The following BLTP1 variants were observed in gnomAD, a reference collection of about 807,000 sequenced individuals.
BLTP1 encodes fragile site-associated protein.
chr4:122,274,662 GC>G, the BLTP1 span: 5 of 978,372 alleles, frequency 5.1e-6, no homozygotes, highest in African/African-American at 3.5e-5. Flanking sequence ...ATTCAGCAGA[GC>G]AGTTTCATGT....
the BLTP1 span, chr4:122,289,329 A>C: frequency 1.3e-6 from 1 of 795,452 alleles, no homozygotes; most frequent in East Asian, 3.1e-5. Flanking sequence ...GAAACTGTGC[A>C]TTCCTTTTAT....
chr4:122,332,278 A>G, the BLTP1 span, among the ~76,000 whole-genome samples: 2 of 151,968 alleles, frequency 1.3e-5, no homozygotes, highest in African/African-American at 4.8e-5. Flanking sequence ...GAGAAAATAA[A>G]AAAGGTACTA....
the BLTP1 span, among the ~76,000 whole-genome samples, chr4:122,222,186 T>C: frequency 6.6e-6 from 1 of 152,206 alleles, no homozygotes; most frequent in Non-Finnish European, 1.5e-5. Flanking sequence ...CTTGTTTACA[T>C]TCTATAGTGT....
chr4:122,170,614 G>C, the BLTP1 span: 1 of 1,521,840 alleles, frequency 6.6e-7, no homozygotes, highest in Non-Finnish European at 8.8e-7. Context: ...AAATCTTTTA[G>C]GCCTTTAGAT....
chr4:122,303,373 C>T, the BLTP1 span, among the ~76,000 whole-genome samples: 3 of 152,188 alleles, frequency 2.0e-5, no homozygotes, highest in African/African-American at 7.2e-5. Context: ...TGCACCTGGT[C>T]ACCTAAGAGC....
At chr4:122,354,356 G>GGTT in the BLTP1 span, among the ~76,000 whole-genome samples, 34 of 152,200 alleles carry the variant, frequency 2.2e-4, no homozygotes, top group East Asian at 6.6e-3. Flanking sequence ...AGTTTGGGGA[G>GGTT]GTTGTTACAC....
chr4:122,302,604 G>C, the BLTP1 span, among the ~76,000 whole-genome samples: 1 of 152,180 alleles, frequency 6.6e-6, no homozygotes, highest in Non-Finnish European at 1.5e-5. Context: ...AGCTAGAAAC[G>C]ATTAAGCTTG....
the BLTP1 span, among the ~76,000 whole-genome samples, chr4:122,203,059 T>TA: frequency 1.3e-5 from 2 of 151,934 alleles, no homozygotes; most frequent in African/African-American, 2.4e-5. Context: ...ACTTATTCTC[T>TA]AAAAAGGACA....
chr4:122,267,539 C>A, the BLTP1 span: 1 of 494,324 alleles, frequency 2.0e-6, no homozygotes, highest in Non-Finnish European at 2.6e-6. Context: ...ATGCACTCAC[C>A]ATTTATTTAC....
the BLTP1 span, chr4:122,183,569 C>T: frequency 1.0e-6 from 1 of 960,250 alleles, no homozygotes; most frequent in Non-Finnish European, 1.2e-6. Context: ...GTTAACAAGG[C>T]TGTTTTATAA....
chr4:122,331,469 A>C, the BLTP1 span: 1 of 1,612,018 alleles, frequency 6.2e-7, no homozygotes, highest in Non-Finnish European at 8.5e-7. Flanking sequence ...ATACGGGTTG[A>C]AATTGATAGT....
At chr4:122,250,447 A>T in the BLTP1 span, 1 of 1,613,896 alleles carries the variant, frequency 6.2e-7, no homozygotes, top group Non-Finnish European at 8.5e-7. Context: ...GAGTGCTGAC[A>T]TCCAATAATT....
chr4:122,235,673 C>T, the BLTP1 span: 175 of 158,270 alleles, frequency 1.1e-3, 2 homozygotes, highest in South Asian at 0.027. Flanking sequence ...GGCGTGGTGG[C>T]GGGCGCCTGT....
At chr4:122,182,490 C>T in the BLTP1 span, among the ~76,000 whole-genome samples, 1 of 152,288 alleles carries the variant, frequency 6.6e-6, no homozygotes, top group East Asian at 1.9e-4. Flanking sequence ...ATTTTCTAAC[C>T]TCAGTGCCAT....
chr4:122,257,408 G>A, the BLTP1 span: 1 of 1,613,998 alleles, frequency 6.2e-7, no homozygotes, highest in Non-Finnish European at 8.5e-7. Flanking sequence ...TATGGACCAT[G>A]AACATGAAGA....
At chr4:122,308,385 G>A in the BLTP1 span, among the ~76,000 whole-genome samples, 7 of 151,966 alleles carry the variant, frequency 4.6e-5, no homozygotes, top group Admixed American at 3.3e-4. Flanking sequence ...TCAGAATAGT[G>A]ATAAGATTGA....
chr4:122,183,427 T>C, the BLTP1 span: 7 of 983,262 alleles, frequency 7.1e-6, no homozygotes, highest in Non-Finnish European at 7.2e-6. Flanking sequence ...CAGAAAATTC[T>C]AAAGTGGTCA....
chr4:122,257,215 T>C, the BLTP1 span: 2 of 1,586,208 alleles, frequency 1.3e-6, no homozygotes, highest in Non-Finnish European at 1.7e-6. Context: ...ACTGATATTA[T>C]TACATTAGAT....
chr4:122,333,997 C>G, the BLTP1 span, among the ~76,000 whole-genome samples: 1 of 151,980 alleles, frequency 6.6e-6, no homozygotes, highest in Non-Finnish European at 1.5e-5. Flanking sequence ...GTAGCATTTT[C>G]CATGAAAGTT....
Sources: gnomAD v4.1 joint callset for allele counts (sites outside exome capture counted in the v4.1 genomes callset) on GRCh38, gnomAD v4.1.1 for gene constraint, MANE v1.5 for transcripts, NCBI Gene and HGNC (gene_info 2026-07-23, HGNC 2026-07-21) for gene names.